Variants in STOML3 observed in about 807,000 individuals in gnomAD.
STOML3 encodes the protein stomatin like 3, also known as stomatin-like protein 3.
Under a neutral mutation model 29.5 loss-of-function variants are expected in STOML3, and 31 were observed. The observed-to-expected ratio is 1.05, with a 90% CI of 0.79 to 1.42. STOML3 has a LOEUF of 1.42. Among genes scored for constraint, STOML3 ranks in the 40% most tolerant of loss-of-function variants. The pLI is 0.00. For missense variants in STOML3, 380 were observed against 363.0 expected, an observed-to-expected ratio of 1.05 and a Z score of -0.38; for synonymous variants, 122 against 139.8, an observed-to-expected ratio of 0.87 and a Z score of 0.90.
At chr13:38,972,400 T>C in intron 4 of STOML3, 112 bp downstream of exon 4, 1 of 1,014,528 alleles carries the variant, frequency 9.9e-7, no homozygotes, top group Admixed American at 2.2e-5. Flanking sequence ...CTGCGGGTAC[T>C]CAGCTCATCT....
intron 1 of STOML3, among the ~76,000 whole-genome samples, chr13:38,989,186 A>G (rs2138033278): frequency 6.6e-6 from 1 of 151,978 alleles, no homozygotes; most frequent in South Asian, 2.1e-4. Flanking sequence ...TATCAGCCCC[A>G]TTTTGTTCAT....
intron 1 of STOML3, among the ~76,000 whole-genome samples, chr13:38,987,822 T>G (rs1363613650): frequency 1.4e-4 from 13 of 92,690 alleles, no homozygotes; most frequent in African/African-American, 3.7e-4. Flanking sequence ...TATATTATAT[T>G]TTATATAATA....
intron 6 of STOML3, among the ~76,000 whole-genome samples, chr13:38,967,966 A>G (rs1880717668): frequency 6.6e-6 from 1 of 151,914 alleles, no homozygotes; most frequent in South Asian, 2.1e-4. Flanking sequence ...TACAAGAACA[A>G]CAATGCGCAA....
chr13:38,981,418 G>C (rs1375936037), intron 1 of STOML3, among the ~76,000 whole-genome samples: 1 of 152,134 alleles, frequency 6.6e-6, no homozygotes, highest in Admixed American at 6.5e-5. Context: ...CCAGGAAGTA[G>C]GAGAGAATGT....
At chr13:38,976,659 A>G in intron 2 of STOML3, 35 bp downstream of exon 2, 1 of 1,614,028 alleles carries the variant, frequency 6.2e-7, no homozygotes, top group Non-Finnish European at 8.5e-7. Context: ...TTGTCAGTTC[A>G]TATAGATAGC....
intron 1 of STOML3, among the ~76,000 whole-genome samples, chr13:38,983,524 CA>C (rs1337199523): frequency 4.6e-5 from 7 of 152,216 alleles, no homozygotes; most frequent in African/African-American, 1.7e-4. Flanking sequence ...GCTAAATTTT[CA>C]AGATTATGTA....
chr13:38,975,165 A>G (rs1215445674), intron 3 of STOML3, among the ~76,000 whole-genome samples: 1 of 151,976 alleles, frequency 6.6e-6, no homozygotes. Flanking sequence ...CCCCATCTCT[A>G]CAAAAATTAG....
At chr13:38,967,705 A>T (rs1206799737) in intron 6 of STOML3, among the ~76,000 whole-genome samples, 1 of 152,174 alleles carries the variant, frequency 6.6e-6, no homozygotes, top group Non-Finnish European at 1.5e-5. Flanking sequence ...AAGCTGCTGG[A>T]GCTTAGCAGA....
intron 5 of STOML3, among the ~76,000 whole-genome samples, chr13:38,969,071 T>A (rs1880768260): frequency 6.6e-6 from 1 of 152,350 alleles, no homozygotes; most frequent in Middle Eastern, 3.4e-3. Context: ...TACCCAGCAA[T>A]GACTCAATGC....
intron 1 of STOML3, 112 bp from the exon 2 acceptor site, chr13:38,976,909 A>T (rs1881101897): frequency 3.7e-6 from 3 of 812,660 alleles, no homozygotes; most frequent in Non-Finnish European, 6.2e-6. Context: ...ATGTGGCTGC[A>T]TAGAAAACCT....
At chr13:38,986,668 C>T (rs917237472) in intron 1 of STOML3, among the ~76,000 whole-genome samples, 5 of 152,094 alleles carry the variant, frequency 3.3e-5, no homozygotes, top group Non-Finnish European at 5.9e-5. Flanking sequence ...CTTTTCATCC[C>T]CTGTAATTCA....
chr13:38,976,954 C>T (rs113819469), intron 1 of STOML3, among the ~76,000 whole-genome samples, 157 bp from the exon 2 acceptor site: 21 of 152,260 alleles, frequency 1.4e-4, no homozygotes, highest in African/African-American at 4.3e-4. Context: ...GTCACACACA[C>T]GTACATACAT....
intron 1 of STOML3, among the ~76,000 whole-genome samples, chr13:38,978,361 C>T (rs1355970198): frequency 6.6e-6 from 1 of 151,962 alleles, no homozygotes; most frequent in African/African-American, 2.4e-5. Context: ...GCCATGTTGG[C>T]CAGGCTGGTG....
At chr13:38,978,430 A>G (rs773589359) in intron 1 of STOML3, among the ~76,000 whole-genome samples, 13 of 152,200 alleles carry the variant, frequency 8.5e-5, no homozygotes, top group Non-Finnish European at 1.6e-4. Flanking sequence ...CTGGGATTAC[A>G]GGCATGAGCC....
chr13:38,979,976 G>A, intron 1 of STOML3: 1 of 1,443,024 alleles, frequency 6.9e-7, no homozygotes, highest in African/African-American at 1.4e-5. Context: ...GCCAAGCCCT[G>A]GACATTTCCA....
chr13:38,979,507 C>T (rs1318415125), intron 1 of STOML3, among the ~76,000 whole-genome samples: 1 of 152,140 alleles, frequency 6.6e-6, no homozygotes, highest in Non-Finnish European at 1.5e-5. Context: ...AAAACACTGG[C>T]TTTGATTTGT....
At chr13:38,990,283 GAAGA>G (rs1379871531) in intron 1 of STOML3, among the ~76,000 whole-genome samples, 1 of 152,048 alleles carries the variant, frequency 6.6e-6, no homozygotes, top group Non-Finnish European at 1.5e-5. Context: ...AATACAAAAA[GAAGA>G]AATACAAAGA....
chr13:38,967,027 A>G lies in STOML3; in HGVS notation c.674T>C (p.Met225Thr). ...RAKVLAAEGEMNASKSLKSAS... is the reference protein window; with the variant it reads ...RAKVLAAEGETNASKSLKSAS... ...TGACTTCAGGGATTTGGAAGCATTC[A>G]TTTCTCCTTCAGCTGCAAGGACCTG... The change falls in exon 7 of 7, where the codon ATG becomes ACG. Residue 225 changes from methionine (M) to threonine (T), a missense_variant. By Grantham distance (81) the Met-to-Thr change is moderately conservative. Coordinates refer to ENST00000379631, the MANE Select transcript of STOML3 (RefSeq NM_145286.3). 3.1e-6 allele frequency: 5 copies of G among 1,613,942 alleles called. No individual in the cohort carries two copies. Among genetic ancestry groups the G allele is most frequent in the Non-Finnish European group, 4.2e-6 (5 of 1,179,942 alleles).
intron 1 of STOML3, among the ~76,000 whole-genome samples, chr13:38,978,774 A>G (rs1265001395): frequency 6.6e-6 from 1 of 152,164 alleles, no homozygotes; most frequent in African/African-American, 2.4e-5. Flanking sequence ...ATTTTTTGAG[A>G]CCTGAGCCAA....
Sources: gnomAD v4.1 joint callset for allele counts (sites outside exome capture counted in the v4.1 genomes callset) on GRCh38, gnomAD v4.1.1 for gene constraint, MANE v1.5 for transcripts, NCBI Gene and HGNC (gene_info 2026-07-23, HGNC 2026-07-21) for gene names.